The following EPS15 variants were observed in gnomAD, a reference collection of about 807,000 sequenced individuals.
EPS15 encodes the protein epidermal growth factor receptor substrate 15.
EPS15 carries 72 observed loss-of-function variants against 113.8 expected under a neutral mutation model. That is an observed-to-expected ratio of 0.63 (90% CI 0.52 to 0.77). The LOEUF (loss-of-function observed/expected upper bound fraction) is 0.77, where lower values mean the gene tolerates loss of function less well. Among genes scored for constraint, EPS15 ranks in the 30% least tolerant of loss-of-function variants. EPS15 has a pLI of 0.00. For missense variants in EPS15, 1,048 were observed against 1,045.8 expected (o/e 1.00, Z -0.03); for synonymous variants, 344 against 363.4 (o/e 0.95, Z 0.61).
rs568545144 is a variant in EPS15, at chr1:51,455,709, C to T, written c.561+5382G>A. Among the ~76,000 whole-genome samples the T allele has an allele frequency of 2.5e-3, 377 of 152,270 alleles. 3 individuals carry two copies. The highest frequency in any genetic ancestry group is 4.7e-3 in the Non-Finnish European group (318 of 68,004). ...AAACTCGGAAATATATTTCCAATATCCTTACAATCTAGTCAGATAATTCAT... is the reference window on the plus strand; with the variant it reads ...AAACTCGGAAATATATTTCCAATATTCTTACAATCTAGTCAGATAATTCAT... On this transcript the variant is annotated intron_variant, in intron 8 of 24. Transcript: ENST00000371733.
At chr1:51,499,753 T>A (rs1404070192) in intron 1 of EPS15, among the ~76,000 whole-genome samples, 1 of 152,166 alleles carries the variant, frequency 6.6e-6, no homozygotes, top group East Asian at 1.9e-4. Context: ...TTTAGAGAAA[T>A]CTCTATTCAA....
In EPS15 at chr1:51,394,365, TAA is replaced by T; in HGVS notation, c.2119+14_2119+15del. ...AATGTTTAATGTTCAATGAAGTTGATAAATTATTTATTTACCTGAATCGCTTG... is the reference window on the plus strand; with the variant it reads ...AATGTTTAATGTTCAATGAAGTTGATATTATTTATTTACCTGAATCGCTTG... On this transcript the variant is annotated intron_variant, in intron 21 of 24. Transcript: ENST00000371733. The T allele has an allele frequency of 6.5e-7, 1 of 1,546,220 alleles. No individual in the cohort carries two copies. The highest frequency in any genetic ancestry group is 8.8e-7 in the Non-Finnish European group (1 of 1,130,712).
chr1:51,384,298 C>CTTTTTTTTTTT (rs67265512), intron 21 of EPS15, among the ~76,000 whole-genome samples: 3 of 99,528 alleles, frequency 3.0e-5, no homozygotes, highest in Admixed American at 1.2e-4. Context: ...TTCTTTCTTT[C>CTTTTTTTTTTT]TTTTTTTTTT....
intron 2 of EPS15, among the ~76,000 whole-genome samples, chr1:51,478,196 T>C (rs954380691): frequency 2.6e-5 from 4 of 152,214 alleles, no homozygotes; most frequent in Admixed American, 2.0e-4. Context: ...TTGATCCCTT[T>C]ACCATTATGT....
chr1:51,441,861 T>C (rs541694484), intron 11 of EPS15, among the ~76,000 whole-genome samples: 12 of 152,272 alleles, frequency 7.9e-5, no homozygotes, highest in South Asian at 2.1e-4. Context: ...CCAGTGGCAC[T>C]TGCATATCAA....
intron 4 of EPS15, among the ~76,000 whole-genome samples, 164 bp from the exon 5 acceptor site, chr1:51,468,732 C>T (rs1655027156): frequency 6.6e-6 from 1 of 152,068 alleles, no homozygotes; most frequent in African/African-American, 2.4e-5. Context: ...GCAGAAAAAT[C>T]CTATGTAGAA....
At chr1:51,494,846 T>C (rs187797110) in intron 1 of EPS15, among the ~76,000 whole-genome samples, 1 of 152,362 alleles carries the variant, frequency 6.6e-6, no homozygotes, top group Non-Finnish European at 1.5e-5. Context: ...CTCTACTTCA[T>C]ATAACCTTAG....
At chr1:51,491,555 AG>A (rs1388548148) in intron 1 of EPS15, among the ~76,000 whole-genome samples, 1 of 152,264 alleles carries the variant, frequency 6.6e-6, no homozygotes, top group African/African-American at 2.4e-5. Context: ...AGTAAACAGA[AG>A]AATGAAAAAT....
intron 1 of EPS15, among the ~76,000 whole-genome samples, chr1:51,488,734 G>C (rs1479668044): frequency 6.6e-6 from 1 of 151,750 alleles, no homozygotes; most frequent in Admixed American, 6.6e-5. Flanking sequence ...ACTACACCCA[G>C]CCTCTCCTCC....
At position 51,445,092 on chromosome 1, in the gene EPS15, A is replaced by G. The variant is rs755003882; in HGVS notation, c.798-47T>C. 9 of 1,542,922 alleles carry G rather than the reference A, an allele frequency of 5.8e-6. No individual in the cohort carries two copies. In the African/African-American group the frequency reaches 8.3e-5, roughly 14 times the overall value. On this transcript the variant is annotated intron_variant, in intron 10 of 24. Transcript: ENST00000371733. ...ATGGTATGTAAGTGCCACAACTGCA[A>G]AAAGTCCAGAGAAAAAGTACCACTA...
rs998065902 is a variant in EPS15 at position 51,405,197 on chromosome 1, T to C, written c.1677+708A>G. On this transcript the variant is annotated intron_variant, in intron 16 of 24. Transcript: ENST00000371733. ...GTTACACTACTACACTGTAGGCTGC[T>C]TGAAGGAAAGACTGAGGTCTCTTGT... Among the ~76,000 whole-genome samples the C allele has an allele frequency of 5.3e-5, 8 of 152,214 alleles. No homozygotes were observed. In the East Asian group the frequency reaches 7.7e-4, roughly 15 times the overall value.
In EPS15 at chr1:51,355,882, G is replaced by A. The variant is rs2148332728; in HGVS notation, c.*818C>T. The A allele has an allele frequency of 5.1e-6, 1 of 197,480 alleles. No homozygotes were observed. Among genetic ancestry groups the A allele is most frequent in the South Asian group, 1.9e-4 (1 of 5,198 alleles). 12.2% of individuals were successfully genotyped at this position (197,480 alleles called of 1,614,324 possible). On this transcript the variant is annotated 3_prime_UTR_variant, in exon 25 of 25. Coordinates refer to ENST00000371733, the MANE Select transcript of EPS15 (RefSeq NM_001981.3). ...TTAAGACTTTTGCTTGCCTTATACT[G>A]ATGGGTATATTTTAGGTGATAAATT...
intron 24 of EPS15, among the ~76,000 whole-genome samples, chr1:51,360,499 T>G (rs140865404): frequency 6.6e-6 from 1 of 152,210 alleles, no homozygotes; most frequent in Non-Finnish European, 1.5e-5. Context: ...CCTTCCACTG[T>G]TTCTAACGAT....
At chr1:51,516,273 C>A (rs1246640605) in intron 1 of EPS15, among the ~76,000 whole-genome samples, 1 of 152,200 alleles carries the variant, frequency 6.6e-6, no homozygotes, top group Non-Finnish European at 1.5e-5. Flanking sequence ...ACTCCTCTAG[C>A]AGAAATAAGT....
intron 16 of EPS15, among the ~76,000 whole-genome samples, chr1:51,403,857 G>C (rs1398628403): frequency 6.6e-6 from 1 of 152,052 alleles, no homozygotes; most frequent in Non-Finnish European, 1.5e-5. Flanking sequence ...TATCATCTTT[G>C]GTTCCAATTA....
intron 13 of EPS15, among the ~76,000 whole-genome samples, chr1:51,415,726 G>A (rs1650147419): frequency 1.4e-5 from 2 of 143,406 alleles, no homozygotes; most frequent in Admixed American, 1.5e-4. Flanking sequence ...AACTTGGGAG[G>A]CAGAGGTTGC....
rs535408246 is a variant in EPS15, at chr1:51,469,095, G to A, written c.214-527C>T. Among the ~76,000 whole-genome samples the A allele has an allele frequency of 3.9e-5, 6 of 151,998 alleles. No individual in the cohort carries two copies. In the East Asian group the frequency reaches 5.8e-4, roughly 15 times the overall value. On this transcript the variant is annotated intron_variant, in intron 4 of 24. Transcript: ENST00000371733. ...CAGTGAGCCGAGATCGGGCTACTGC[G>A]CTCTAGCCTGGGTGACAGAGCGAGA...
intron 21 of EPS15, among the ~76,000 whole-genome samples, chr1:51,371,379 G>A (rs573984242): frequency 4.6e-4 from 70 of 152,300 alleles, no homozygotes; most frequent in African/African-American, 1.6e-3. Flanking sequence ...AGGGGGACAA[G>A]ATGTGGAGGT....
chr1:51,504,975 G>T (rs1176518550), intron 1 of EPS15, among the ~76,000 whole-genome samples: 1 of 152,110 alleles, frequency 6.6e-6, no homozygotes, highest in East Asian at 1.9e-4. Context: ...ACAAAAATTA[G>T]CCGGGTGTGG....
Sources: allele counts gnomAD v4.1 joint callset (sites outside exome capture counted in the v4.1 genomes callset), GRCh38; gene constraint gnomAD v4.1.1; transcripts MANE v1.5; gene names NCBI Gene and HGNC (gene_info 2026-07-23, HGNC 2026-07-21).